Variants in IQSEC1 observed in about 807,000 individuals in gnomAD.
IQSEC1 encodes the protein IQ motif and Sec7 domain ArfGEF 1.
In IQSEC1, 31 loss-of-function variants were observed where a neutral mutation model predicts 91.0. The ratio of observed to expected loss-of-function variants is 0.34; its 90% CI spans 0.26 to 0.46. The LOEUF is 0.46. Ranked by LOEUF, IQSEC1 falls within the 20% of genes least tolerant of loss-of-function variation. The probability of loss-of-function intolerance (pLI) is 1.00; values close to 1 mark genes in which losing one functional copy is unlikely to be tolerated. For synonymous variants in IQSEC1, 699 were observed against 662.6 expected, an observed-to-expected ratio of 1.05 and a Z score of -0.84; for missense variants, 1,388 against 1,575.6, an observed-to-expected ratio of 0.88 and a Z score of 2.02.
intron 1 of IQSEC1, among the ~76,000 whole-genome samples, chr3:13,250,603 ATTTATTTTATTTTATTTTAT>A (rs201541847): frequency 7.4e-5 from 10 of 134,790 alleles, no homozygotes; most frequent in South Asian, 4.5e-4. Context: ...CACCCAGATA[ATTTATTTTATTTTATTTTAT>A]TTTATTTTAT....
rs1694042772 is a variant in IQSEC1, at chr3:12,899,789, C to T, written c.*1194G>A. 2.0e-6 allele frequency: 2 copies of T among 985,222 alleles called. No homozygotes were observed. Among genetic ancestry groups the T allele is most frequent in the Non-Finnish European group, 2.4e-6 (2 of 829,794 alleles). The allele number at this position is 985,222 out of a possible 1,614,324, so 61.0% of individuals were successfully genotyped here. A position where few individuals can be genotyped will look rare whatever the true frequency, so the allele number is the denominator to read the frequency against. On this transcript the variant is annotated 3_prime_UTR_variant, in exon 14 of 14. Coordinates refer to ENST00000613206, the MANE Select transcript of IQSEC1 (RefSeq NM_001134382.3). ...GTTCGAGAGTGGTTCCTGATGAAAA[C>T]ACTCTCTGAGGGCTTCGGCCTGGTG...
chr3:13,086,748 A>G (rs1301667820), intron 2 of IQSEC1, among the ~76,000 whole-genome samples: 1 of 152,144 alleles, frequency 6.6e-6, no homozygotes, highest in Non-Finnish European at 1.5e-5. Context: ...CAGCTTAGCA[A>G]TCACCTGCAA....
chr3:13,200,490 G>A (rs934109175), intron 1 of IQSEC1, among the ~76,000 whole-genome samples: 1 of 152,214 alleles, frequency 6.6e-6, no homozygotes, highest in African/African-American at 2.4e-5. Context: ...ACAACAACCT[G>A]AAAAGGGGAC....
intron 1 of IQSEC1, among the ~76,000 whole-genome samples, chr3:12,984,363 G>A (rs1021227209): frequency 1.3e-5 from 2 of 152,172 alleles, no homozygotes; most frequent in African/African-American, 4.8e-5. Flanking sequence ...TGTAAAAGGC[G>A]CCCTCTTCTG....
chr3:13,165,852 G>A (rs1422584079), intron 1 of IQSEC1, among the ~76,000 whole-genome samples: 1 of 152,140 alleles, frequency 6.6e-6, no homozygotes, highest in Non-Finnish European at 1.5e-5. Flanking sequence ...GGAGAGGTAG[G>A]GTGCCCTGGT....
intron 8 of IQSEC1, among the ~76,000 whole-genome samples, chr3:12,914,387 G>C (rs542120978): frequency 1.3e-5 from 2 of 152,376 alleles, no homozygotes; most frequent in African/African-American, 4.8e-5. Flanking sequence ...CCTGAGGCCA[G>C]AGGCTTGACT....
chr3:13,018,728 C>T (rs944866940), intron 1 of IQSEC1, among the ~76,000 whole-genome samples: 23 of 152,158 alleles, frequency 1.5e-4, no homozygotes, highest in African/African-American at 4.1e-4. Context: ...ATCTCACAGG[C>T]GGGGAAACAG....
intron 2 of IQSEC1, among the ~76,000 whole-genome samples, chr3:13,156,192 G>T (rs973645664): frequency 1.3e-5 from 2 of 151,870 alleles, no homozygotes; most frequent in Admixed American, 1.3e-4. Flanking sequence ...AAACTGCACT[G>T]CTGCACTCTA....
At chr3:13,069,422 G>A (rs1004650602) in intron 1 of IQSEC1, among the ~76,000 whole-genome samples, 2 of 152,132 alleles carry the variant, frequency 1.3e-5, no homozygotes, top group Non-Finnish European at 2.9e-5. Flanking sequence ...TCCAGGCCCA[G>A]TCCCACCAGT....
At chr3:13,098,478 A>AAAAGT (rs1381572841) in intron 2 of IQSEC1, among the ~76,000 whole-genome samples, 1 of 152,206 alleles carries the variant, frequency 6.6e-6, no homozygotes, top group Non-Finnish European at 1.5e-5. Context: ...CAAAGAAAAG[A>AAAAGT]AAAGCCAGTA....
chr3:13,250,436 T>TTTTTA (rs60612165), intron 1 of IQSEC1, among the ~76,000 whole-genome samples: 6 of 148,466 alleles, frequency 4.0e-5, no homozygotes, highest in South Asian at 2.2e-4. Context: ...TTTTTTTTTT[T>TTTTTA]GAGACAGAGT....
chr3:13,258,526 T>C (rs1406858988), intron 1 of IQSEC1, among the ~76,000 whole-genome samples: 1 of 151,562 alleles, frequency 6.6e-6, no homozygotes, highest in Non-Finnish European at 1.5e-5. Flanking sequence ...TAGAAAATTA[T>C]TTTAAAAAAA....
rs115045992 is a variant in IQSEC1, at chr3:13,133,778, C to T, written c.302+30326G>A. Among the ~76,000 whole-genome samples, 1,299 of 152,364 alleles carry T rather than the reference C, an allele frequency of 8.5e-3. 22 individuals are homozygous for T. Among genetic ancestry groups the T allele is most frequent in the African/African-American group, 0.028 (1,146 of 41,586 alleles). On this transcript the variant is annotated intron_variant, in intron 2 of 15. Transcript: ENST00000648114. ...GGGGATGCTGCTTGGCCCAGCCCAA[C>T]GGGCAGCACTGATGGCCCAGCTGGC...
intron 2 of IQSEC1, among the ~76,000 whole-genome samples, chr3:13,157,428 T>C (rs7650159): frequency 0.56 from 84,878 of 151,960 alleles, 23,812 homozygotes; most frequent in Middle Eastern, 0.61. Context: ...GTAGTGCCTC[T>C]GAAAGCAGGC....
At chr3:13,242,219 C>G (rs1387766209) in intron 1 of IQSEC1, among the ~76,000 whole-genome samples, 2 of 152,172 alleles carry the variant, frequency 1.3e-5, no homozygotes, top group East Asian at 3.9e-4. Context: ...TGGGCTCGAG[C>G]TGGTCTCCAG....
intron 1 of IQSEC1, among the ~76,000 whole-genome samples, chr3:13,049,130 A>C (rs1014336662): frequency 2.0e-5 from 3 of 152,292 alleles, no homozygotes; most frequent in African/African-American, 7.2e-5. Flanking sequence ...GCCAGAACCC[A>C]CACTGGGCAT....
At chr3:13,190,422 A>G (rs1034348829) in intron 1 of IQSEC1, among the ~76,000 whole-genome samples, 5 of 149,950 alleles carry the variant, frequency 3.3e-5, no homozygotes, top group African/African-American at 1.2e-4. Context: ...AATAAAAAAA[A>G]TTAGCCAGGC....
At chr3:13,228,863 C>A (rs1282419667) in intron 1 of IQSEC1, among the ~76,000 whole-genome samples, 1 of 152,216 alleles carries the variant, frequency 6.6e-6, no homozygotes, top group African/African-American at 2.4e-5. Flanking sequence ...GTAAATGCTA[C>A]TTCCTCAGCA....
intron 1 of IQSEC1, among the ~76,000 whole-genome samples, chr3:13,029,685 A>C (rs1393264859): frequency 6.6e-6 from 1 of 152,174 alleles, no homozygotes; most frequent in Admixed American, 6.5e-5. Flanking sequence ...CGTGAGCGTG[A>C]GTGTGTGTGC....
Sources: gnomAD v4.1 joint callset for allele counts (sites outside exome capture counted in the v4.1 genomes callset) on GRCh38, gnomAD v4.1.1 for gene constraint, MANE v1.5 for transcripts, NCBI Gene and HGNC (gene_info 2026-07-23, HGNC 2026-07-21) for gene names.